Variants in PGF observed in about 807,000 individuals in gnomAD.
PGF encodes the protein placental growth factor.
PGF carries 11 observed loss-of-function variants against 25.3 expected under a neutral mutation model. That is an observed-to-expected ratio of 0.43 (90% CI 0.27 to 0.72). The LOEUF (loss-of-function observed/expected upper bound fraction) is 0.72. Ranked by LOEUF, PGF falls within the 30% of genes least tolerant of loss-of-function variation. The pLI is 0.18. For synonymous variants in PGF, 105 were observed against 97.9 expected (o/e 1.07, Z -0.43); for missense variants, 230 against 234.9 (o/e 0.98, Z 0.14).
intron 4 of PGF, chr14:74,948,213 G>T (rs768452458): frequency 7.9e-5 from 24 of 302,430 alleles, no homozygotes; most frequent in Non-Finnish European, 1.2e-4. Flanking sequence ...GGAACGACAC[G>T]CACCGAACCC....
intron 4 of PGF, chr14:74,947,744 T>C (rs1888773168): frequency 6.6e-6 from 1 of 152,240 alleles, no homozygotes; most frequent in Admixed American, 6.5e-5. Context: ...AGGCACAGAA[T>C]AGGTACACAA....
chr14:74,954,027 TA>T, intron 1 of PGF, 81 bp from the exon 2 acceptor site: 1 of 1,420,872 alleles, frequency 7.0e-7, no homozygotes, highest in African/African-American at 1.4e-5. Context: ...GGCAAGAAGG[TA>T]GGGGCCCCTC....
intron 6 of PGF, among the ~76,000 whole-genome samples, chr14:74,943,030 A>C (rs1040420609): frequency 7.2e-5 from 11 of 152,210 alleles, no homozygotes; most frequent in African/African-American, 2.7e-4. Flanking sequence ...TGAGGCCCAG[A>C]GAGGTGAAGA....
Position 74,953,812 on chromosome 14 carries a change from A to ACC in PGF, c.118+90_118+91dup. On this transcript the variant is annotated intron_variant, in intron 2 of 6. Transcript: ENST00000555567. The surrounding 1 kb of genome is among the most constrained non-coding windows in gnomAD (Gnocchi z 5.4). ...TGTAGGCTCTCCCCAGCTTTTATCA[A>ACC]CCTGCACCCACGCTTCATGCCACAC... The ACC allele has an allele frequency of 7.7e-7, 1 of 1,303,960 alleles. No individual in the cohort carries two copies. Among genetic ancestry groups the ACC allele is most frequent in the Non-Finnish European group, 1.1e-6 (1 of 897,242 alleles). 80.8% of individuals were successfully genotyped at this position (1,303,960 alleles called of 1,614,324 possible).
chr14:74,955,177 C>A lies in PGF; in HGVS notation c.66G>T (p.Val22=). 1.4e-6 allele frequency: 2 copies of A among 1,476,210 alleles called. No homozygotes were observed. The highest frequency in any genetic ancestry group is 2.3e-5 in the Admixed American group (1 of 44,390). The allele number at this position is 1,476,210 out of a possible 1,614,324, so 91.4% of individuals were successfully genotyped here. A position where few individuals can be genotyped will look rare whatever the true frequency, so the allele number is the denominator to read the frequency against. The change falls in exon 1 of 7, where the codon GTG becomes GTT. Residue 22 remains valine (V), a synonymous_variant. Coordinates refer to ENST00000555567, the MANE Select transcript of PGF (RefSeq NM_002632.6). This position sits in a 1 kb window ranked among gnomAD's most constrained non-coding sequence, Gnocchi z 4.1. ...QLLAGLALPA[V]PPQQWALSAG... The stretch of plus-strand genomic sequence containing the variant: ...TGGGGGTAGCTCTTACCTGGGGGGG[C>A]ACAGCAGGCAGCGCCAGCCCGGCCA...
In PGF at chr14:74,953,783, A is replaced by T; in HGVS notation, c.118+121T>A. On this transcript the variant is annotated intron_variant, in intron 2 of 6. Coordinates refer to ENST00000555567, the MANE Select transcript of PGF (RefSeq NM_002632.6). The surrounding 1 kb of genome is among the most constrained non-coding windows in gnomAD (Gnocchi z 5.4). ...GCCAAAGTCATCACCCAGCATGTCT[A>T]GCTTGTAGGCTCTCCCCAGCTTTTA... is the stretch of plus-strand genomic sequence containing the variant. 1.0e-6 allele frequency: 1 copy of T among 982,456 alleles called. No homozygotes were observed. The highest frequency in any genetic ancestry group is 1.6e-6 in the Non-Finnish European group (1 of 608,376). The allele number at this position is 982,456 out of a possible 1,614,324, so 60.9% of individuals were successfully genotyped here.
intron 6 of PGF, 53 bp from the exon 7 acceptor site, chr14:74,942,786 C>A: frequency 6.4e-7 from 1 of 1,556,324 alleles, no homozygotes; most frequent in Non-Finnish European, 8.7e-7. Context: ...GTGGAGGGTG[C>A]GGTCTCCTCC....
chr14:74,951,567 A>T (rs1370474851), intron 2 of PGF, among the ~76,000 whole-genome samples: 1 of 152,224 alleles, frequency 6.6e-6, no homozygotes, highest in Non-Finnish European at 1.5e-5. Context: ...GCAGCAGAGA[A>T]GGGGCACCCC....
At position 74,942,697 on chromosome 14, in the gene PGF, A is replaced by T; in HGVS notation, c.*9T>A. 1 of 1,612,528 alleles carries T rather than the reference A, an allele frequency of 6.2e-7. No homozygotes were observed. Among genetic ancestry groups the T allele is most frequent in the Non-Finnish European group, 8.5e-7 (1 of 1,179,342 alleles). ...CCGGGTGCGGGGTCTCTCTCCTCCA[A>T]GGGGTGGGTTACCTCCGGGGAACAG... is the stretch of plus-strand genomic sequence containing the variant. On this transcript the variant is annotated 3_prime_UTR_variant, in exon 7 of 7. Transcript: ENST00000555567.
chr14:74,946,130 C>A, intron 6 of PGF, 83 bp downstream of exon 6: 1 of 1,304,462 alleles, frequency 7.7e-7, no homozygotes, highest in South Asian at 1.2e-5. Context: ...TGCCTCTCCC[C>A]CTCCCCAACC....
At chr14:74,942,829 T>C in intron 6 of PGF, 96 bp from the exon 7 acceptor site, 2 of 1,212,294 alleles carry the variant, frequency 1.6e-6, no homozygotes, top group Non-Finnish European at 2.3e-6. Context: ...GAGGAGGAGC[T>C]TGGGCAGGGA....
At position 74,949,350 on chromosome 14, in the gene PGF, G is replaced by A. The variant is rs1477145871; in HGVS notation, c.315+7C>T. On this transcript the variant is annotated splice_region_variant and intron_variant, in intron 3 of 6. Transcript: ENST00000555567. ...TCGGTGGCCCCCTGGGCAGGGTATG[G>A]ACCTACCTGCATGGTGACATTGGCC... 2 of 1,548,700 alleles carry A rather than the reference G, an allele frequency of 1.3e-6. No individual in the cohort carries two copies. The highest frequency in any genetic ancestry group is 1.7e-6 in the Non-Finnish European group (2 of 1,144,068).
intron 4 of PGF, chr14:74,946,753 G>A (rs746891062): frequency 2.1e-5 from 15 of 702,756 alleles, no homozygotes; most frequent in East Asian, 5.3e-5. Flanking sequence ...GCTTTTTTCC[G>A]TTCCTTCCAG....
At chr14:74,949,298 T>C in intron 3 of PGF, 59 bp downstream of exon 3, 1 of 1,341,022 alleles carries the variant, frequency 7.5e-7, no homozygotes, top group Non-Finnish European at 1.0e-6. Flanking sequence ...TCTTCTTCCC[T>C]CTCCAGGTAC....
In PGF at chr14:74,955,287, A is replaced by C; in HGVS notation, c.-45T>G. 7 of 1,247,806 alleles carry C rather than the reference A, an allele frequency of 5.6e-6. No homozygotes were observed. The highest frequency in any genetic ancestry group is 1.8e-5 in the South Asian group (1 of 56,778). 77.3% of individuals were successfully genotyped at this position (1,247,806 alleles called of 1,614,324 possible). ...CAGGGGGCTCCGAGGGAAAACCACCATGCTCATCCCCCGGGGAGCCCCTGG... is the reference window on the plus strand; with the variant it reads ...CAGGGGGCTCCGAGGGAAAACCACCCTGCTCATCCCCCGGGGAGCCCCTGG... On this transcript the variant is annotated 5_prime_UTR_variant, in exon 1 of 7. An upstream start codon of the reference 5' UTR is lost. Transcript: ENST00000555567. The surrounding 1 kb of genome is among the most constrained non-coding windows in gnomAD (Gnocchi z 4.1).
rs749689652 is a variant in PGF at position 74,949,345 on chromosome 14, G to C, written c.315+12C>G. 2 of 1,537,230 alleles carry C rather than the reference G, an allele frequency of 1.3e-6. No individual in the cohort carries two copies. Among genetic ancestry groups the C allele is most frequent in the Non-Finnish European group, 1.8e-6 (2 of 1,137,028 alleles). On this transcript the variant is annotated intron_variant, in intron 3 of 6. Transcript: ENST00000555567. ...CAGATTCGGTGGCCCCCTGGGCAGG[G>C]TATGGACCTACCTGCATGGTGACAT...
intron 2 of PGF, among the ~76,000 whole-genome samples, chr14:74,952,587 A>G (rs1468790068): frequency 6.6e-6 from 1 of 152,264 alleles, no homozygotes; most frequent in East Asian, 1.9e-4. Context: ...ATGGCTGGCC[A>G]TGCTGTCTCT....
intron 6 of PGF, chr14:74,944,488 C>T (rs193132342): frequency 1.6e-4 from 25 of 151,890 alleles, no homozygotes; most frequent in Admixed American, 1.2e-3. Context: ...GAGTGTTCTA[C>T]AATAGCTTTG....
At position 74,942,520 on chromosome 14, in the gene PGF, T is replaced by C. The variant is rs974958272; in HGVS notation, c.*186A>G. The C allele has an allele frequency of 1.4e-5, 9 of 635,692 alleles. No individual in the cohort carries two copies. The African/African-American group carries it at 1.7e-4, about 12-fold the overall frequency. The allele number at this position is 635,692 out of a possible 1,614,324, so 39.4% of individuals were successfully genotyped here. A position where few individuals can be genotyped will look rare whatever the true frequency, so the allele number is the denominator to read the frequency against. ...GCTGGCTTCTCTCTTTCTCTCACGTTGTTGAAGGCACTGAATTCCTGAGGG... is the reference window on the plus strand; with the variant it reads ...GCTGGCTTCTCTCTTTCTCTCACGTCGTTGAAGGCACTGAATTCCTGAGGG... On this transcript the variant is annotated 3_prime_UTR_variant, in exon 7 of 7. Coordinates refer to ENST00000555567, the MANE Select transcript of PGF (RefSeq NM_002632.6).
Sources: gnomAD v4.1 joint callset for allele counts (sites outside exome capture counted in the v4.1 genomes callset) on GRCh38, gnomAD v4.1.1 for gene constraint, Gnocchi (gnomAD v3.1) non-coding constraint, MANE v1.5 for transcripts, NCBI Gene and HGNC (gene_info 2026-07-23, HGNC 2026-07-21) for gene names.